Variants in GMDS observed in about 807,000 individuals in gnomAD.
GMDS encodes the protein GDP-mannose 4,6 dehydratase.
GMDS carries 20 observed loss-of-function variants against 49.9 expected under a neutral mutation model. That is an observed-to-expected ratio of 0.40 (90% CI 0.28 to 0.58). The LOEUF is 0.58. Ranked by LOEUF, GMDS falls within the 20% of genes least tolerant of loss-of-function variation. The probability of loss-of-function intolerance (pLI) is 0.42; values close to 1 mark genes in which losing one functional copy is unlikely to be tolerated. For missense variants in GMDS, 362 were observed against 481.4 expected, an observed-to-expected ratio of 0.75 and a Z score of 2.32; for synonymous variants, 177 against 178.6, an observed-to-expected ratio of 0.99 and a Z score of 0.07.
intron 9 of GMDS, among the ~76,000 whole-genome samples, chr6:1,683,735 T>C (rs1161497253): frequency 1.3e-5 from 2 of 152,238 alleles, no homozygotes. Flanking sequence ...GTTTAGAAAG[T>C]TCCCTTGGAC....
intron 7 of GMDS, among the ~76,000 whole-genome samples, chr6:1,823,316 T>G (rs1770973633): frequency 6.6e-6 from 1 of 152,204 alleles, no homozygotes; most frequent in African/African-American, 2.4e-5. Context: ...CCGTATTATC[T>G]CTAATTTCTC....
intron 7 of GMDS, among the ~76,000 whole-genome samples, chr6:1,878,829 C>T (rs1322413525): frequency 2.6e-5 from 4 of 152,136 alleles, no homozygotes; most frequent in Admixed American, 6.5e-5. Context: ...ATTTTCCCAG[C>T]AGATACATAC....
chr6:1,639,245 G>C (rs13209219), intron 9 of GMDS, among the ~76,000 whole-genome samples: 2,459 of 152,332 alleles, frequency 0.016, 25 homozygotes, highest in Non-Finnish European at 0.026. Flanking sequence ...GATACTGGGT[G>C]ACGTGCCTAG....
At chr6:2,055,447 A>C (rs1770723302) in intron 4 of GMDS, among the ~76,000 whole-genome samples, 1 of 152,186 alleles carries the variant, frequency 6.6e-6, no homozygotes, top group African/African-American at 2.4e-5. Flanking sequence ...TGGCTGGTCC[A>C]CTATTTACTA....
chr6:1,634,943 C>G (rs1177333192), intron 9 of GMDS, among the ~76,000 whole-genome samples: 1 of 152,082 alleles, frequency 6.6e-6, no homozygotes, highest in Non-Finnish European at 1.5e-5. Context: ...CAGAGAACTC[C>G]TAGGATTTTC....
chr6:1,641,298 C>T (rs1192090716), intron 9 of GMDS, among the ~76,000 whole-genome samples: 1 of 152,232 alleles, frequency 6.6e-6, no homozygotes, highest in Non-Finnish European at 1.5e-5. Context: ...TCCTCAGGGA[C>T]AATCTATGTC....
At chr6:2,127,711 T>C (rs1194664640) in intron 1 of GMDS, among the ~76,000 whole-genome samples, 1 of 152,234 alleles carries the variant, frequency 6.6e-6, no homozygotes, top group Non-Finnish European at 1.5e-5. Flanking sequence ...GGGGCCCAGC[T>C]GGCCGCCCCC....
At chr6:1,875,257 C>A (rs1338253402) in intron 7 of GMDS, among the ~76,000 whole-genome samples, 1 of 151,830 alleles carries the variant, frequency 6.6e-6, no homozygotes, top group African/African-American at 2.4e-5. Context: ...GAGATATTCA[C>A]ATATTTGAAT....
chr6:2,141,901 T>G (rs577212055), intron 1 of GMDS, among the ~76,000 whole-genome samples: 1 of 150,880 alleles, frequency 6.6e-6, no homozygotes, highest in African/African-American at 2.4e-5. Context: ...TTCTCTTTCT[T>G]CTCCCCCACA....
Position 1,948,979 on chromosome 6 carries a change from G to A in GMDS, c.643+10888C>T, listed in dbSNP as rs73425589. On this transcript the variant is annotated intron_variant, in intron 6 of 10. Coordinates refer to ENST00000380815, the MANE Select transcript of GMDS (RefSeq NM_001500.4). ...ATCTTCTGTTGGCTGGCACTGCAGC[G>A]TTCACATTTCTCACTGTCCTCTTAT... 4,550 of 504,486 alleles carry A rather than the reference G, an allele frequency of 9.0e-3. 183 individuals carry two copies. Among genetic ancestry groups the A allele is most frequent in the African/African-American group, 0.087 (4,183 of 48,260 alleles). 31.3% of individuals were successfully genotyped at this position (504,486 alleles called of 1,614,324 possible).
intron 9 of GMDS, among the ~76,000 whole-genome samples, chr6:1,666,452 C>G (rs2113265794): frequency 6.6e-6 from 1 of 152,260 alleles, no homozygotes; most frequent in Non-Finnish European, 1.5e-5. Flanking sequence ...CTAGTTACAC[C>G]AGGGAGGTAA....
At chr6:1,891,306 T>A (rs1759856861) in intron 7 of GMDS, among the ~76,000 whole-genome samples, 1 of 152,210 alleles carries the variant, frequency 6.6e-6, no homozygotes, top group African/African-American at 2.4e-5. Context: ...TAAATGGGCA[T>A]ACTGTGCTGT....
intron 6 of GMDS, among the ~76,000 whole-genome samples, chr6:1,959,079 C>A (rs1359705418): frequency 6.6e-6 from 1 of 152,126 alleles, no homozygotes; most frequent in Non-Finnish European, 1.5e-5. Context: ...AAATTAAGAG[C>A]TGACTTCAAG....
chr6:1,630,549 G>A (rs1165630971), intron 9 of GMDS, among the ~76,000 whole-genome samples: 9 of 152,242 alleles, frequency 5.9e-5, no homozygotes, highest in Admixed American at 5.2e-4. Context: ...TGAGCCAGCT[G>A]AGCAGAGGAA....
rs759596136 is a variant in GMDS at position 1,960,802 on chromosome 6, G to A, written c.510C>T (p.Thr170=). The change falls in exon 5 of 11, where the codon ACC becomes ACT. Residue 170 remains threonine, a synonymous_variant. Coordinates refer to ENST00000380815, the MANE Select transcript of GMDS (RefSeq NM_001500.4). The stretch of plus-strand genomic sequence containing the variant: ...AGGGTGACCGGGGATAGAAAGGGGT[G>A]GTCTCCTTCTGGGGTATTTCCTGCA... ...GKVQEIPQKE[T]TPFYPRSPYG... The A allele has an allele frequency of 6.2e-7, 1 of 1,604,716 alleles. No homozygotes were observed. The highest frequency in any genetic ancestry group is 8.5e-7 in the Non-Finnish European group (1 of 1,172,848).
At chr6:2,206,078 G>A (rs1320471941) in intron 1 of GMDS, among the ~76,000 whole-genome samples, 1 of 152,144 alleles carries the variant, frequency 6.6e-6, no homozygotes, top group Non-Finnish European at 1.5e-5. Context: ...GACCAACATG[G>A]AGAAATCATG....
intron 4 of GMDS, among the ~76,000 whole-genome samples, chr6:2,046,918 G>T (rs1023729217): frequency 5.3e-5 from 8 of 152,120 alleles, no homozygotes; most frequent in Admixed American, 6.6e-5. Context: ...AAGACTAAAA[G>T]TATCCCCCAA....
intron 7 of GMDS, among the ~76,000 whole-genome samples, chr6:1,848,794 G>A (rs1359788026): frequency 6.6e-6 from 1 of 152,190 alleles, no homozygotes; most frequent in African/African-American, 2.4e-5. Context: ...CATGAGTGTA[G>A]GCATCACCTA....
chr6:1,877,737 C>T (rs965228840), intron 7 of GMDS, among the ~76,000 whole-genome samples: 17 of 151,338 alleles, frequency 1.1e-4, no homozygotes, highest in African/African-American at 2.4e-5. Context: ...TTGGCAGCTG[C>T]GTTGTTTCTC....
Sources: allele counts gnomAD v4.1 joint callset (sites outside exome capture counted in the v4.1 genomes callset), GRCh38; gene constraint gnomAD v4.1.1; transcripts MANE v1.5; gene names NCBI Gene and HGNC (gene_info 2026-07-23, HGNC 2026-07-21).